The following MYBL1 variants were observed in gnomAD, a reference collection of about 807,000 sequenced individuals.
MYBL1 encodes the protein myb-related protein A.
MYBL1 carries 17 observed loss-of-function variants against 96.3 expected under a neutral mutation model. That is an observed-to-expected ratio of 0.18 (90% CI 0.12 to 0.26). MYBL1 has a LOEUF of 0.26. MYBL1 is among the 10% of genes least tolerant of loss of function. The pLI, the probability that MYBL1 is intolerant of heterozygous loss-of-function variation, is 1.00. For synonymous variants in MYBL1, 282 were observed against 292.7 expected, an observed-to-expected ratio of 0.96 and a Z score of 0.37; for missense variants, 701 against 882.9, an observed-to-expected ratio of 0.79 and a Z score of 2.61.
chr8:66,578,459 A>G (rs1357776467), intron 9 of MYBL1, among the ~76,000 whole-genome samples: 1 of 152,260 alleles, frequency 6.6e-6, no homozygotes. Context: ...ACATTTATGC[A>G]GCCAAAAGAC....
In MYBL1 at chr8:66,576,193, T is replaced by G. The variant is rs773098846; in HGVS notation, c.1284A>C (p.Glu428Asp). Residue 428 changes from glutamate to aspartate, a missense_variant, in exon 10 of 16, where the codon GAA becomes GAC. Glu to Asp is a conservative substitution (Grantham distance 45, BLOSUM62 2). Transcript: ENST00000522677. ...TATTTGGGGATGTTAAAGGAACAGC[T>G]TCACTGTTGCCACCATTACAAGTGT... is the stretch of plus-strand genomic sequence containing the variant. Reference protein sequence around the residue: ...KKNTCNGGNSEAVPLTSPNIA... With the variant: ...KKNTCNGGNSDAVPLTSPNIA... The G allele has an allele frequency of 6.2e-7, 1 of 1,613,948 alleles. No individual in the cohort carries two copies. Among genetic ancestry groups the G allele is most frequent in the Non-Finnish European group, 8.5e-7 (1 of 1,179,848 alleles).
chr8:66,579,386 G>A (rs1046932973), intron 9 of MYBL1, among the ~76,000 whole-genome samples: 3 of 152,010 alleles, frequency 2.0e-5, no homozygotes, highest in Non-Finnish European at 4.4e-5. Context: ...GCCAGGCATG[G>A]TGGCTCATGC....
intron 6 of MYBL1, among the ~76,000 whole-genome samples, chr8:66,594,487 A>C (rs1809775232): frequency 1.3e-5 from 2 of 152,200 alleles, no homozygotes; most frequent in Non-Finnish European, 2.9e-5. Context: ...TATAAGAAAT[A>C]TCCTCATCTT....
chr8:66,567,526 A>AGAGTGT (rs1554575380), intron 12 of MYBL1, among the ~76,000 whole-genome samples: 13 of 146,828 alleles, frequency 8.9e-5, no homozygotes, highest in African/African-American at 3.2e-4. Context: ...AGAGAGAGTG[A>AGAGTGT]GTGTGTGTGT....
intron 10 of MYBL1, among the ~76,000 whole-genome samples, chr8:66,574,570 C>T (rs1808860565): frequency 6.6e-6 from 1 of 152,200 alleles, no homozygotes; most frequent in Admixed American, 6.5e-5. Context: ...CAATAATATC[C>T]CAGCATTCTC....
At position 66,563,752 on chromosome 8, in the gene MYBL1, A is replaced by C. The variant is rs1332166260; in HGVS notation, c.*945T>G. On this transcript the variant is annotated 3_prime_UTR_variant, in exon 16 of 16. Transcript: ENST00000522677. ...TAGTACATTTTTAGAACTACTTTAT[A>C]ACCAGCATGATTTAAAGGGCATAGT... The C allele has an allele frequency of 2.6e-5, 4 of 152,638 alleles. No individual in the cohort carries two copies. Among genetic ancestry groups the C allele is most frequent in the African/African-American group, 9.6e-5 (4 of 41,576 alleles). The allele number at this position is 152,638 out of a possible 1,614,324, so 9.5% of individuals were successfully genotyped here.
intron 15 of MYBL1, among the ~76,000 whole-genome samples, chr8:66,565,757 T>C (rs1808479104): frequency 1.3e-5 from 2 of 152,144 alleles, no homozygotes; most frequent in African/African-American, 4.8e-5. Context: ...ATTAGGGCTA[T>C]ACATATTTGT....
chr8:66,582,603 C>T (rs1255510368), intron 8 of MYBL1, among the ~76,000 whole-genome samples: 1 of 148,200 alleles, frequency 6.7e-6, no homozygotes, highest in Non-Finnish European at 1.5e-5. Flanking sequence ...CTGTGGTCCC[C>T]GCTACTTGGG....
intron 7 of MYBL1, among the ~76,000 whole-genome samples, 157 bp from the exon 8 acceptor site, chr8:66,592,701 T>C (rs997455446): frequency 6.6e-6 from 1 of 152,152 alleles, no homozygotes; most frequent in African/African-American, 2.4e-5. Flanking sequence ...ACAATCCCTC[T>C]GGTATCTAAA....
intron 3 of MYBL1, among the ~76,000 whole-genome samples, chr8:66,600,051 T>C (rs949916089): frequency 6.6e-6 from 1 of 152,160 alleles, no homozygotes; most frequent in African/African-American, 2.4e-5. Flanking sequence ...ATTCACTAAA[T>C]TGGTTAAGTG....
intron 1 of MYBL1, among the ~76,000 whole-genome samples, chr8:66,603,283 A>T (rs1810179453): frequency 6.6e-6 from 1 of 152,220 alleles, no homozygotes; most frequent in Non-Finnish European, 1.5e-5. Flanking sequence ...AGTAATCTTC[A>T]CAACAACCCA....
intron 9 of MYBL1, among the ~76,000 whole-genome samples, chr8:66,577,366 C>T (rs1234938600): frequency 6.8e-6 from 1 of 147,886 alleles, no homozygotes; most frequent in Non-Finnish European, 1.5e-5. Flanking sequence ...AGCTGATAAG[C>T]AACTTCAGCA....
At chr8:66,573,310 C>CTT (rs1808807869) in intron 11 of MYBL1, 54 bp downstream of exon 11, 2 of 1,502,810 alleles carry the variant, frequency 1.3e-6, no homozygotes, top group Non-Finnish European at 9.0e-7. Flanking sequence ...AGCTAATCTA[C>CTT]TTTAACACTG....
At chr8:66,602,734 T>TATATATATATATA (rs1491369207) in intron 1 of MYBL1, among the ~76,000 whole-genome samples, 3 of 25,886 alleles carry the variant, frequency 1.2e-4, no homozygotes, top group African/African-American at 3.9e-4. Context: ...TATATATATA[T>TATATATATATATA]TTTTTTTTTT....
chr8:66,566,814 C>CTT, intron 13 of MYBL1, 26 bp from the exon 14 acceptor site: 1 of 1,591,924 alleles, frequency 6.3e-7, no homozygotes, highest in South Asian at 1.1e-5. Context: ...TATGTAGAAG[C>CTT]TTTATGGCAA....
chr8:66,568,066 C>T (rs970752157), intron 12 of MYBL1, among the ~76,000 whole-genome samples: 19 of 146,738 alleles, frequency 1.3e-4, no homozygotes, highest in South Asian at 6.5e-4. Flanking sequence ...AAAAAAACAA[C>T]AACAACAAAA....
Position 66,589,911 on chromosome 8 carries a change from AG to A in MYBL1, c.867+2528del, listed in dbSNP as rs1809571700. The stretch of plus-strand genomic sequence containing the variant: ...ATAGGGAAATCTCGTCTCTACAAAA[AG>A]TATTTTTTTTTATTAGCCAAGTGTG... On this transcript the variant is annotated intron_variant, in intron 8 of 15. Coordinates refer to ENST00000522677, the MANE Select transcript of MYBL1 (RefSeq NM_001080416.4). Among the ~76,000 whole-genome samples, 4 of 152,318 alleles carry A rather than the reference AG, an allele frequency of 2.6e-5. No homozygotes were observed. In the South Asian group the frequency reaches 6.2e-4, roughly 24 times the overall value.
chr8:66,573,970 C>CTGGCAAATAAAA (rs201630085), intron 10 of MYBL1, among the ~76,000 whole-genome samples: 3,018 of 152,154 alleles, frequency 0.02, 95 homozygotes, highest in African/African-American at 0.067. Flanking sequence ...AATAATAATG[C>CTGGCAAATAAAA]TTTGCTGATA....
chr8:66,570,382 T>C, intron 12 of MYBL1, among the ~76,000 whole-genome samples: 1 of 150,514 alleles, frequency 6.6e-6, no homozygotes, highest in East Asian at 2.0e-4. Context: ...TCATCACCAC[T>C]CACTGTAGCC....
Sources: gnomAD v4.1 joint callset for allele counts (sites outside exome capture counted in the v4.1 genomes callset) on GRCh38, gnomAD v4.1.1 for gene constraint, MANE v1.5 for transcripts, NCBI Gene and HGNC (gene_info 2026-07-23, HGNC 2026-07-21) for gene names.